Variants in SLC25A21 observed in about 807,000 individuals in gnomAD.
SLC25A21 encodes the protein mitochondrial 2-oxodicarboxylate carrier.
SLC25A21 carries 47 observed loss-of-function variants against 43.8 expected under a neutral mutation model. The ratio of observed to expected loss-of-function variants is 1.07; its 90% CI spans 0.85 to 1.37. SLC25A21 has a LOEUF of 1.37. Among genes scored for constraint, SLC25A21 ranks in the 40% most tolerant of loss-of-function variants. The probability of loss-of-function intolerance (pLI) is 0.00; values close to 1 mark genes in which losing one functional copy is unlikely to be tolerated. For synonymous variants in SLC25A21, 131 were observed against 121.3 expected, an observed-to-expected ratio of 1.08 and a Z score of -0.52; for missense variants, 352 against 350.2, an observed-to-expected ratio of 1.00 and a Z score of -0.04.
intron 1 of SLC25A21, among the ~76,000 whole-genome samples, chr14:37,114,936 G>C (rs530878519): frequency 6.6e-6 from 1 of 152,170 alleles, no homozygotes; most frequent in South Asian, 2.1e-4. Context: ...ATCCTCTTAT[G>C]TACATACCTA....
intron 1 of SLC25A21, among the ~76,000 whole-genome samples, chr14:36,936,063 T>C (rs935944998): frequency 1.1e-4 from 17 of 152,184 alleles, no homozygotes; most frequent in Non-Finnish European, 2.5e-4. Flanking sequence ...CTATCAGTAC[T>C]ATCAGCTTTG....
chr14:37,138,279 T>C (rs942445621), intron 1 of SLC25A21, among the ~76,000 whole-genome samples: 1 of 152,190 alleles, frequency 6.6e-6, no homozygotes, highest in Non-Finnish European at 1.5e-5. Flanking sequence ...AAACACTAGT[T>C]CTAGAAGTTT....
chr14:36,695,465 G>A (rs1882975712), intron 7 of SLC25A21, among the ~76,000 whole-genome samples: 1 of 152,224 alleles, frequency 6.6e-6, no homozygotes, highest in East Asian at 1.9e-4. Flanking sequence ...TCGGTAGCTT[G>A]ATGGGGATGG....
chr14:36,913,375 G>A (rs147041109), intron 1 of SLC25A21, among the ~76,000 whole-genome samples: 14 of 152,206 alleles, frequency 9.2e-5, no homozygotes, highest in African/African-American at 2.9e-4. Context: ...TGCAACCTCC[G>A]CCTCTTGGGC....
Position 36,819,356 on chromosome 14 carries a change from A to C in SLC25A21, c.120-5355T>G, listed in dbSNP as rs549891371. On this transcript the variant is annotated intron_variant, in intron 2 of 9. Coordinates refer to ENST00000331299, the MANE Select transcript of SLC25A21 (RefSeq NM_030631.4). Reference sequence around the variant, plus strand: ...AACAAATGTACAAGCATATTTTTTAAAGACAAAAAATGTTTGCACTAATTG... The same window carrying C: ...AACAAATGTACAAGCATATTTTTTACAGACAAAAAATGTTTGCACTAATTG... 2.1e-3 allele frequency among the ~76,000 whole-genome samples: 39 copies of C among 18,294 alleles called. 1 individual carries two copies. In the South Asian group the frequency reaches 0.41, roughly 194 times the overall value. The allele number at this position is 18,294 out of a possible 152,430, so 12.0% of individuals were successfully genotyped here. A position where few individuals can be genotyped will look rare whatever the true frequency, so the allele number is the denominator to read the frequency against.
intron 1 of SLC25A21, among the ~76,000 whole-genome samples, chr14:36,980,197 C>T (rs567581665): frequency 6.6e-6 from 1 of 152,324 alleles, no homozygotes; most frequent in East Asian, 1.9e-4. Context: ...TTCATTTCAA[C>T]TTTGGTGAAT....
chr14:36,797,614 G>T (rs1887719623), intron 3 of SLC25A21, among the ~76,000 whole-genome samples: 1 of 152,152 alleles, frequency 6.6e-6, no homozygotes, highest in African/African-American at 2.4e-5. Context: ...ATGAATCTCT[G>T]AACAGTAGCA....
At chr14:36,958,565 C>T (rs781107894) in intron 1 of SLC25A21, among the ~76,000 whole-genome samples, 2 of 152,148 alleles carry the variant, frequency 1.3e-5, no homozygotes, top group Non-Finnish European at 2.9e-5. Flanking sequence ...CTTGTGGAAA[C>T]TAGCCTTGTC....
At chr14:36,708,026 C>T (rs574898807) in intron 7 of SLC25A21, among the ~76,000 whole-genome samples, 1 of 152,248 alleles carries the variant, frequency 6.6e-6, no homozygotes, top group South Asian at 2.1e-4. Flanking sequence ...ACTCAGCAGT[C>T]TGAGGTGGGA....
chr14:37,167,194 T>C (rs1192185041), intron 1 of SLC25A21, among the ~76,000 whole-genome samples: 1 of 152,234 alleles, frequency 6.6e-6, no homozygotes, highest in African/African-American at 2.4e-5. Context: ...TTCATTCTTC[T>C]GTCTGGTCAG....
chr14:36,835,674 T>C (rs1476828446), intron 2 of SLC25A21, among the ~76,000 whole-genome samples: 2 of 152,240 alleles, frequency 1.3e-5, no homozygotes, highest in Non-Finnish European at 2.9e-5. Context: ...AAGAACTTAA[T>C]GACTTAGCAT....
At chr14:37,001,850 A>C (rs1040955622) in intron 1 of SLC25A21, among the ~76,000 whole-genome samples, 2 of 152,150 alleles carry the variant, frequency 1.3e-5, no homozygotes, top group East Asian at 3.9e-4. Flanking sequence ...ACCTCCAAAA[A>C]GTTTTTGTCA....
At chr14:37,067,816 T>G (rs766915883) in intron 1 of SLC25A21, among the ~76,000 whole-genome samples, 3 of 152,256 alleles carry the variant, frequency 2.0e-5, no homozygotes, top group Non-Finnish European at 4.4e-5. Context: ...TACTTATTTA[T>G]GAAAATATTA....
intron 1 of SLC25A21, among the ~76,000 whole-genome samples, chr14:37,140,500 C>T (rs1382317516): frequency 1.3e-5 from 2 of 152,156 alleles, no homozygotes; most frequent in African/African-American, 4.8e-5. Flanking sequence ...TAAAATGAGG[C>T]TTATCCTTGC....
At chr14:36,924,040 G>A (rs976757905) in intron 1 of SLC25A21, among the ~76,000 whole-genome samples, 2 of 152,128 alleles carry the variant, frequency 1.3e-5, no homozygotes, top group Non-Finnish European at 2.9e-5. Flanking sequence ...GTGCTGGAGA[G>A]GATGTGGAGA....
intron 1 of SLC25A21, among the ~76,000 whole-genome samples, chr14:37,031,226 C>T (rs1961203731): frequency 6.6e-6 from 1 of 152,138 alleles, no homozygotes; most frequent in Non-Finnish European, 1.5e-5. Flanking sequence ...GAACAGTGTT[C>T]AACAGTGTTC....
intron 8 of SLC25A21, 83 bp from the exon 9 acceptor site, chr14:36,683,963 G>T: frequency 3.2e-6 from 3 of 947,816 alleles, no homozygotes; most frequent in South Asian, 1.6e-5. Flanking sequence ...TAGGGACCCA[G>T]CATTTAAAAA....
intron 1 of SLC25A21, among the ~76,000 whole-genome samples, chr14:36,985,518 A>AT (rs1960127637): frequency 1.3e-5 from 2 of 152,110 alleles, no homozygotes; most frequent in Middle Eastern, 3.4e-3. Flanking sequence ...TCTTTATCTT[A>AT]TTTTTTTAAG....
At chr14:36,874,294 A>C (rs972678075) in intron 2 of SLC25A21, among the ~76,000 whole-genome samples, 1 of 152,230 alleles carries the variant, frequency 6.6e-6, no homozygotes, top group African/African-American at 2.4e-5. Context: ...GGAAATTTTC[A>C]CTAGACTCCA....
Sources: allele counts gnomAD v4.1 joint callset (sites outside exome capture counted in the v4.1 genomes callset), GRCh38; gene constraint gnomAD v4.1.1; transcripts MANE v1.5; gene names NCBI Gene and HGNC (gene_info 2026-07-23, HGNC 2026-07-21).